The following MAP6 variants were observed in gnomAD, a reference collection of about 807,000 sequenced individuals.
MAP6 encodes the protein microtubule-associated protein 6.
MAP6 carries 26 observed loss-of-function variants against 42.4 expected under a neutral mutation model. That is an observed-to-expected ratio of 0.61 (90% confidence interval 0.45 to 0.85). The LOEUF (loss-of-function observed/expected upper bound fraction) is 0.85, where lower values mean the gene tolerates loss of function less well. Among genes scored for constraint, MAP6 ranks in the 40% least tolerant of loss-of-function variants. The pLI, the probability that MAP6 is intolerant of heterozygous loss-of-function variation, is 0.00. For synonymous variants in MAP6, 418 were observed against 443.8 expected, an observed-to-expected ratio of 0.94 and a Z score of 0.73; for missense variants, 966 against 1,099.0, an observed-to-expected ratio of 0.88 and a Z score of 1.71.
At chr11:75,603,600 G>A in intron 3 of MAP6, 1 of 356,168 alleles carries the variant, frequency 2.8e-6, no homozygotes, top group Non-Finnish European at 3.6e-6. Context: ...GTGAGTGGGG[G>A]CGGGGGGTGG....
intron 1 of MAP6, among the ~76,000 whole-genome samples, chr11:75,613,340 C>G (rs1942938113): frequency 6.6e-6 from 1 of 152,036 alleles, no homozygotes. Context: ...GATGTGTAAC[C>G]CAAGCTTGTC....
intron 3 of MAP6, among the ~76,000 whole-genome samples, chr11:75,593,677 C>T (rs779549803): frequency 6.6e-6 from 1 of 152,224 alleles, no homozygotes; most frequent in Non-Finnish European, 1.5e-5. Context: ...TGGACCCTGT[C>T]CTTGAATCTC....
At position 75,628,020 on chromosome 11, in the gene MAP6, A is replaced by G. The variant is rs568132337; in HGVS notation, c.906-19698T>C. Among the ~76,000 whole-genome samples, 17 of 152,290 alleles carry G rather than the reference A, an allele frequency of 1.1e-4. No individual in the cohort carries two copies. In the South Asian group the frequency reaches 3.3e-3, roughly 30 times the overall value. ...TCGACTGAAATCAAGAGAGAGGCTCAAGGACACCCGGATCTCAGGGGCTGT... is the reference window on the plus strand; with the variant it reads ...TCGACTGAAATCAAGAGAGAGGCTCGAGGACACCCGGATCTCAGGGGCTGT... On this transcript the variant is annotated intron_variant, in intron 1 of 3. Transcript: ENST00000304771.
chr11:75,595,769 T>C (rs1188486423), intron 3 of MAP6, among the ~76,000 whole-genome samples: 1 of 119,264 alleles, frequency 8.4e-6, no homozygotes, highest in Non-Finnish European at 1.6e-5. Flanking sequence ...TCAGCTTCAA[T>C]AGTTTTGTAT....
At chr11:75,656,383 T>A (rs544549186) in intron 1 of MAP6, among the ~76,000 whole-genome samples, 2 of 152,254 alleles carry the variant, frequency 1.3e-5, no homozygotes, top group Admixed American at 1.3e-4. Flanking sequence ...CCACTGACAG[T>A]GGACTATGCT....
chr11:75,609,685 GT>G (rs1184778030), intron 1 of MAP6, among the ~76,000 whole-genome samples: 2 of 152,176 alleles, frequency 1.3e-5, no homozygotes, highest in East Asian at 1.9e-4. Flanking sequence ...CCACTTGCCG[GT>G]TATTTGACCT....
In MAP6 at chr11:75,605,894, T is replaced by C. The variant is rs147535669; in HGVS notation, c.1230A>G (p.Lys410=). 128 of 1,614,064 alleles carry C rather than the reference T, an allele frequency of 7.9e-5. No individual in the cohort carries two copies. Among genetic ancestry groups the C allele is most frequent in the Non-Finnish European group, 1.0e-4 (122 of 1,180,052 alleles). Residue 410 remains lysine (K), a synonymous_variant, in exon 3 of 4, where the codon AAA becomes AAG. Transcript: ENST00000304771. ...KQAVSGQAAK[K]KSAEGPSTTK... Reference sequence around the variant, plus strand: ...TGGTACTCGGGCCCTCCGCGCTCTTTTTCTTGGCAGCCTGGCCTGACACCG... The same window carrying C: ...TGGTACTCGGGCCCTCCGCGCTCTTCTTCTTGGCAGCCTGGCCTGACACCG...
In MAP6 at chr11:75,607,726, G is replaced by A. The variant is rs572295939; in HGVS notation, c.1119+383C>T. On this transcript the variant is annotated intron_variant, in intron 2 of 3. Coordinates refer to ENST00000304771, the MANE Select transcript of MAP6 (RefSeq NM_033063.2). Reference sequence around the variant, plus strand: ...GGCAGGGTCTGGTGGGAGGGGAGCCGGGCATGGGGGCCTACAATACTGGGC... The same window carrying A: ...GGCAGGGTCTGGTGGGAGGGGAGCCAGGCATGGGGGCCTACAATACTGGGC... The A allele has an allele frequency of 1.2e-4, 117 of 956,986 alleles. No individual in the cohort carries two copies. The African/African-American group carries it at 1.2e-3, about 10-fold the overall frequency. 59.3% of individuals were successfully genotyped at this position (956,986 alleles called of 1,614,324 possible).
At chr11:75,662,608 A>G (rs1249075055) in intron 1 of MAP6, among the ~76,000 whole-genome samples, 1 of 152,218 alleles carries the variant, frequency 6.6e-6, no homozygotes, top group Non-Finnish European at 1.5e-5. Context: ...ATGTATGAGG[A>G]TGTGGCCCAG....
At chr11:75,634,363 G>A (rs182766593) in intron 1 of MAP6, among the ~76,000 whole-genome samples, 151 of 152,222 alleles carry the variant, frequency 9.9e-4, no homozygotes, top group Admixed American at 2.8e-3. Flanking sequence ...TGCAACCTTC[G>A]CCTCCTGGGT....
intron 1 of MAP6, among the ~76,000 whole-genome samples, chr11:75,627,540 C>A (rs1440055686): frequency 3.3e-5 from 5 of 152,150 alleles, no homozygotes; most frequent in Non-Finnish European, 5.9e-5. Context: ...ACAAAAGGAC[C>A]TGAAAACAAG....
chr11:75,639,928 C>G (rs1419794924), intron 1 of MAP6, among the ~76,000 whole-genome samples: 2 of 152,182 alleles, frequency 1.3e-5, no homozygotes, highest in African/African-American at 4.8e-5. Context: ...CCCACCATGG[C>G]TCTCACAGCT....
chr11:75,605,979 G>A lies in MAP6; in HGVS notation c.1145C>T (p.Ser382Phe). The A allele has an allele frequency of 6.2e-7, 1 of 1,613,798 alleles. No individual in the cohort carries two copies. Among genetic ancestry groups the A allele is most frequent in the Non-Finnish European group, 8.5e-7 (1 of 1,179,992 alleles). ...PKVEKPSVQS[S>F]KPKKTSASHK... ...GCTCGCTGAGGTCTTTTTTGGTTTG[G>A]AACTCTGAACACTAGGTTTTTCCAC... is the stretch of plus-strand genomic sequence containing the variant. The change falls in exon 3 of 4, where the codon TCC becomes TTC. Residue 382 changes from serine to phenylalanine, a missense_variant. Around this residue, in one of 2 missense-constraint regions of MAP6, gnomAD observed 943 missense variants for 1,049.9 expected, o/e 0.90. Transcript: ENST00000304771.
At chr11:75,588,762 C>T (rs1392199799) in intron 3 of MAP6, among the ~76,000 whole-genome samples, 2 of 152,212 alleles carry the variant, frequency 1.3e-5, no homozygotes, top group East Asian at 3.8e-4. Context: ...TCTCCCTCTC[C>T]TGCAAGGGGA....
In MAP6 at chr11:75,587,644, G is replaced by A. The variant is rs537259909; in HGVS notation, c.1857C>T (p.Pro619=). Residue 619 remains proline, a synonymous_variant, in exon 4 of 4, where the codon CCC becomes CCT. Coordinates refer to ENST00000304771, the MANE Select transcript of MAP6 (RefSeq NM_033063.2). ...IVPAPVKGEG[P]IVPAPVKDEG... is the part of the protein sequence containing the mutation. Reference sequence around the variant, plus strand: ...CATCCTTGACAGGTGCTGGGACTATGGGACCTTCACCCTTGACAGGTGCTG... The same window carrying A: ...CATCCTTGACAGGTGCTGGGACTATAGGACCTTCACCCTTGACAGGTGCTG... The A allele has an allele frequency of 8.7e-6, 14 of 1,613,756 alleles. No individual in the cohort carries two copies. The highest frequency in any genetic ancestry group is 3.3e-5 in the Admixed American group (2 of 60,000).
At chr11:75,651,397 A>G (rs1385014957) in intron 1 of MAP6, among the ~76,000 whole-genome samples, 4 of 152,206 alleles carry the variant, frequency 2.6e-5, no homozygotes, top group African/African-American at 9.7e-5. Context: ...ATGCTGGACC[A>G]GGGCTTCGGT....
intron 3 of MAP6, chr11:75,603,173 C>T (rs1418171200): frequency 1.4e-5 from 14 of 985,372 alleles, no homozygotes; most frequent in South Asian, 4.7e-5. Context: ...GAAGCCAATG[C>T]GCAGCTCTTG....
chr11:75,657,390 C>T (rs1440776979), intron 1 of MAP6, among the ~76,000 whole-genome samples: 1 of 152,166 alleles, frequency 6.6e-6, no homozygotes, highest in Non-Finnish European at 1.5e-5. Context: ...GGATTACAGG[C>T]GTGAGCCACC....
intron 2 of MAP6, chr11:75,607,428 C>T (rs1942800355): frequency 1.0e-6 from 1 of 985,434 alleles, no homozygotes; most frequent in Non-Finnish European, 1.2e-6. Context: ...GCTTCACCAG[C>T]TATATCTCCA....
Sources: allele counts gnomAD v4.1 joint callset (sites outside exome capture counted in the v4.1 genomes callset), GRCh38; gene constraint gnomAD v4.1.1; regional missense constraint gnomAD v4.1.1; transcripts MANE v1.5; gene names NCBI Gene and HGNC (gene_info 2026-07-23, HGNC 2026-07-21).